SRBD1: variants seen among roughly 807,000 people sequenced by gnomAD.
The protein encoded by SRBD1 is S1 RNA binding domain 1.
Under a neutral mutation model 115.3 loss-of-function variants are expected in SRBD1, and 88 were observed. The ratio of observed to expected loss-of-function variants is 0.76; its 90% confidence interval spans 0.64 to 0.91. The LOEUF (loss-of-function observed/expected upper bound fraction) is 0.91. Ranked by LOEUF, SRBD1 falls within the 40% of genes least tolerant of loss-of-function variation. SRBD1 has a pLI of 0.00. For synonymous variants in SRBD1, 509 were observed against 407.7 expected (o/e 1.25, Z -2.99); for missense variants, 1,385 against 1,177.4 (o/e 1.18, Z -2.58).
At chr2:45,557,043 T>C (rs1267586085) in intron 10 of SRBD1, among the ~76,000 whole-genome samples, 1 of 152,056 alleles carries the variant, frequency 6.6e-6, no homozygotes, top group Non-Finnish European at 1.5e-5. Flanking sequence ...GACAAAAGAA[T>C]AAGGGCATTC....
chr2:45,459,986 T>C (rs370246127), intron 16 of SRBD1, among the ~76,000 whole-genome samples: 1 of 152,224 alleles, frequency 6.6e-6, no homozygotes, highest in Admixed American at 6.5e-5. Context: ...AGGATGGGCA[T>C]AGGTCAATGA....
In SRBD1 at chr2:45,419,443, T is replaced by C. The variant is rs1478665897; in HGVS notation, c.2156+345A>G. Among the ~76,000 whole-genome samples, 3 of 152,338 alleles carry C rather than the reference T, an allele frequency of 2.0e-5. No homozygotes were observed. In the South Asian group the frequency reaches 6.2e-4, roughly 32 times the overall value. ...TTTGGTTACTGCCAGGTTTGACAGA[T>C]GCATGCAAGAGGCTTAACTAGTGAA... On this transcript the variant is annotated intron_variant, in intron 17 of 20. Transcript: ENST00000263736.
intron 5 of SRBD1, among the ~76,000 whole-genome samples, chr2:45,582,864 G>T (rs1345574336): frequency 6.6e-6 from 1 of 152,100 alleles, no homozygotes; most frequent in African/African-American, 2.4e-5. Flanking sequence ...CACTGCTCAG[G>T]ATGGGCACAC....
At chr2:45,496,895 T>A (rs937509825) in intron 14 of SRBD1, among the ~76,000 whole-genome samples, 2 of 152,178 alleles carry the variant, frequency 1.3e-5, no homozygotes, top group African/African-American at 4.8e-5. Context: ...AAATTTCTGT[T>A]GGCCACCCAG....
At chr2:45,482,805 C>T (rs1043747173) in intron 15 of SRBD1, among the ~76,000 whole-genome samples, 1 of 152,042 alleles carries the variant, frequency 6.6e-6, no homozygotes, top group African/African-American at 2.4e-5. Context: ...TCTGCGGATG[C>T]TCAAGTCCTT....
At chr2:45,429,853 C>G (rs1324173555) in intron 16 of SRBD1, among the ~76,000 whole-genome samples, 3 of 152,168 alleles carry the variant, frequency 2.0e-5, no homozygotes, top group African/African-American at 7.2e-5. Flanking sequence ...ATCAAATTGT[C>G]TCTGTTTGCA....
At chr2:45,400,169 T>A (rs1048765947) in intron 19 of SRBD1, among the ~76,000 whole-genome samples, 4 of 151,908 alleles carry the variant, frequency 2.6e-5, no homozygotes, top group African/African-American at 9.7e-5. Context: ...ATTTAAAGAG[T>A]ATGCAACTGA....
At chr2:45,596,418 G>C (rs976664583) in intron 4 of SRBD1, among the ~76,000 whole-genome samples, 4 of 152,192 alleles carry the variant, frequency 2.6e-5, no homozygotes, top group Non-Finnish European at 5.9e-5. Context: ...ACGGATTGCA[G>C]AACAAATTTT....
chr2:45,418,260 T>C lies in SRBD1; in HGVS notation c.2333+105A>G, dbSNP rs946985182. On this transcript the variant is annotated intron_variant, in intron 18 of 20. Transcript: ENST00000263736. ...CTCAACACTTAACTGAATGAAGGCA[T>C]GAACAATGGACACTTAGAAAATTTT... 25 of 1,342,188 alleles carry C rather than the reference T, an allele frequency of 1.9e-5. No homozygotes were observed. In the Admixed American group the frequency reaches 5.0e-4, roughly 27 times the overall value. 83.1% of individuals were successfully genotyped at this position (1,342,188 alleles called of 1,614,324 possible). A position where few individuals can be genotyped will look rare whatever the true frequency, so the allele number is the denominator to read the frequency against.
intron 4 of SRBD1, among the ~76,000 whole-genome samples, chr2:45,598,458 C>T (rs1035378751): frequency 2.0e-5 from 3 of 151,790 alleles, no homozygotes; most frequent in African/African-American, 4.8e-5. Flanking sequence ...ACTAAAAATA[C>T]GAAAAATTAG....
intron 3 of SRBD1, among the ~76,000 whole-genome samples, chr2:45,600,796 A>G (rs1674068847): frequency 6.6e-6 from 1 of 152,210 alleles, no homozygotes; most frequent in South Asian, 2.1e-4. Context: ...TGCAGATGGC[A>G]CAAACATGAA....
rs142892350 is a variant in SRBD1 at position 45,594,246 on chromosome 2, A to G, written c.648+5203T>C. 7.2e-5 allele frequency among the ~76,000 whole-genome samples: 11 copies of G among 152,296 alleles called. No individual in the cohort carries two copies. The East Asian group carries it at 1.7e-3, about 24-fold the overall frequency. ...TCATCCCATGGCTTTCTTCACGCAC[A>G]TAATTCCACACAATTCCACACAATC... On this transcript the variant is annotated intron_variant, in intron 4 of 20. Coordinates refer to ENST00000263736, the MANE Select transcript of SRBD1 (RefSeq NM_018079.5).
At chr2:45,422,557 T>C (rs766063819) in intron 16 of SRBD1, among the ~76,000 whole-genome samples, 2 of 152,168 alleles carry the variant, frequency 1.3e-5, no homozygotes, top group Non-Finnish European at 2.9e-5. Context: ...AACAATAGAA[T>C]GAACAATGCA....
intron 16 of SRBD1, among the ~76,000 whole-genome samples, chr2:45,438,264 T>TG (rs1668561118): frequency 6.6e-6 from 1 of 152,154 alleles, no homozygotes; most frequent in African/African-American, 2.4e-5. Context: ...AGAAGAAAAT[T>TG]CAATACTCTT....
chr2:45,574,713 C>A lies in SRBD1; in HGVS notation c.1083G>T (p.Thr361=). ...GCACTCCTATTTCAATATCCTGAAGCGTTGAAAGCCCTTTAGGAGAAGGGT... is the reference window on the plus strand; with the variant it reads ...GCACTCCTATTTCAATATCCTGAAGAGTTGAAAGCCCTTTAGGAGAAGGGT... ...YIRPDVKGLS[T]LQDIEIGVQH... The change falls in exon 8 of 21, where the codon ACG becomes ACT. Residue 361 remains threonine, a synonymous_variant. Transcript: ENST00000263736. The A allele has an allele frequency of 6.2e-7, 1 of 1,611,216 alleles. No homozygotes were observed.
chr2:45,418,358 T>C lies in SRBD1; in HGVS notation c.2333+7A>G, dbSNP rs775731510. ...ACAATAGAATCAAAGTGTATACTTA[T>C]ACTCACCTGCAAAACGTTCGGATAT... On this transcript the variant is annotated splice_region_variant and intron_variant, in intron 18 of 20. Coordinates refer to ENST00000263736, the MANE Select transcript of SRBD1 (RefSeq NM_018079.5). The C allele has an allele frequency of 9.9e-6, 16 of 1,613,300 alleles. No homozygotes were observed. The African/African-American group carries it at 1.1e-4, about 11-fold the overall frequency.
chr2:45,609,699 C>A (rs550015267), intron 1 of SRBD1, among the ~76,000 whole-genome samples: 1 of 152,294 alleles, frequency 6.6e-6, no homozygotes, highest in Non-Finnish European at 1.5e-5. Flanking sequence ...CCCTGCTTGT[C>A]AATTGGCTGG....
At chr2:45,472,628 G>C (rs1030436671) in intron 16 of SRBD1, among the ~76,000 whole-genome samples, 2 of 152,132 alleles carry the variant, frequency 1.3e-5, no homozygotes, top group African/African-American at 4.8e-5. Context: ...GGCCAGGTGC[G>C]TGTCACCATG....
chr2:45,414,915 T>G (rs573097585), intron 18 of SRBD1, among the ~76,000 whole-genome samples: 2 of 92,306 alleles, frequency 2.2e-5, no homozygotes, highest in Admixed American at 2.0e-4. Context: ...ATAGTGTGTA[T>G]ATAGTATGTA....
Sources: allele counts gnomAD v4.1 joint callset (sites outside exome capture counted in the v4.1 genomes callset), GRCh38; gene constraint gnomAD v4.1.1; transcripts MANE v1.5; gene names NCBI Gene and HGNC (gene_info 2026-07-23, HGNC 2026-07-21).